SPOCK1: variants seen among roughly 807,000 people sequenced by gnomAD.
The protein encoded by SPOCK1 is SPARC (osteonectin), cwcv and kazal like domains proteoglycan 1, also known as testican-1.
SPOCK1 carries 23 observed loss-of-function variants against 55.3 expected under a neutral mutation model. The ratio of observed to expected loss-of-function variants is 0.42; its 90% CI spans 0.30 to 0.59. The LOEUF (loss-of-function observed/expected upper bound fraction) is 0.59, where lower values mean the gene tolerates loss of function less well. Among genes scored for constraint, SPOCK1 ranks in the 20% least tolerant of loss-of-function variants. SPOCK1 has a pLI of 0.22. For missense variants in SPOCK1, 499 were observed against 552.5 expected (o/e 0.90, Z 0.97); for synonymous variants, 226 against 221.0 (o/e 1.02, Z -0.20).
At chr5:137,109,518 G>A (rs185472167) in intron 5 of SPOCK1, among the ~76,000 whole-genome samples, 12 of 152,240 alleles carry the variant, frequency 7.9e-5, no homozygotes, top group East Asian at 7.7e-4. Flanking sequence ...CACTATAAAC[G>A]GTCTCTGCCT....
intron 2 of SPOCK1, among the ~76,000 whole-genome samples, chr5:137,280,943 C>T (rs753309982): frequency 1.2e-4 from 18 of 152,224 alleles, no homozygotes; most frequent in Admixed American, 2.6e-4. Context: ...ACCATCCTTA[C>T]ATAGTGCCCA....
intron 5 of SPOCK1, among the ~76,000 whole-genome samples, chr5:137,098,638 C>T (rs934447112): frequency 2.6e-5 from 4 of 152,214 alleles, no homozygotes; most frequent in Admixed American, 2.0e-4. Context: ...CAGGTACAAC[C>T]TCTCTTGTTC....
chr5:137,385,279 G>A (rs1008689725), intron 2 of SPOCK1, among the ~76,000 whole-genome samples: 9 of 152,100 alleles, frequency 5.9e-5, no homozygotes, highest in East Asian at 3.9e-4. Flanking sequence ...ATAAAGGTCC[G>A]TGGTCTCAGT....
chr5:137,205,836 T>C (rs1755511436), intron 3 of SPOCK1, among the ~76,000 whole-genome samples: 1 of 152,216 alleles, frequency 6.6e-6, no homozygotes, highest in South Asian at 2.1e-4. Flanking sequence ...CACTTACATG[T>C]ACTCGGCACA....
chr5:137,410,347 T>C (rs1752183133), intron 2 of SPOCK1, among the ~76,000 whole-genome samples: 1 of 152,198 alleles, frequency 6.6e-6, no homozygotes, highest in Non-Finnish European at 1.5e-5. Context: ...TAATTAATTT[T>C]AAGAACTGAT....
At chr5:137,256,924 A>G (rs1214217199) in intron 3 of SPOCK1, among the ~76,000 whole-genome samples, 1 of 152,244 alleles carries the variant, frequency 6.6e-6, no homozygotes, top group Non-Finnish European at 1.5e-5. Flanking sequence ...GCATTGAAGA[A>G]TTAAGTTTCA....
chr5:137,402,170 G>T (rs1485674017), intron 2 of SPOCK1, among the ~76,000 whole-genome samples: 2 of 152,118 alleles, frequency 1.3e-5, no homozygotes, highest in Non-Finnish European at 2.9e-5. Context: ...GTGTCTTGAA[G>T]AAAATAGGCC....
At chr5:137,063,540 G>C (rs540658686) in intron 6 of SPOCK1, among the ~76,000 whole-genome samples, 12 of 152,306 alleles carry the variant, frequency 7.9e-5, no homozygotes, top group Middle Eastern at 3.4e-3. Flanking sequence ...GATTGGAAGA[G>C]AGTGAGTTAG....
At position 137,208,772 on chromosome 5, in the gene SPOCK1, G is replaced by C. The variant is rs533569204; in HGVS notation, c.232+58238C>G. Among the ~76,000 whole-genome samples the C allele has an allele frequency of 2.0e-5, 3 of 152,018 alleles. No homozygotes were observed. The South Asian group carries it at 6.3e-4, about 32-fold the overall frequency. On this transcript the variant is annotated intron_variant, in intron 3 of 10. Coordinates refer to ENST00000394945, the MANE Select transcript of SPOCK1 (RefSeq NM_004598.4). Reference sequence around the variant, plus strand: ...CTATTGGATACTATACTCAGTACCTGGGTGATGGGATCAGGTGTACCCCAA... The same window carrying C: ...CTATTGGATACTATACTCAGTACCTCGGTGATGGGATCAGGTGTACCCCAA...
At chr5:137,397,641 G>A (rs1751881948) in intron 2 of SPOCK1, among the ~76,000 whole-genome samples, 2 of 152,204 alleles carry the variant, frequency 1.3e-5, no homozygotes, top group East Asian at 3.9e-4. Flanking sequence ...CAGTGGTTGA[G>A]CATGGGAGCT....
At chr5:137,063,437 T>C (rs879793326) in intron 6 of SPOCK1, among the ~76,000 whole-genome samples, 3 of 144,082 alleles carry the variant, frequency 2.1e-5, no homozygotes, top group Admixed American at 6.9e-5. Context: ...AACTTAAAGG[T>C]GAGACAAGAG....
At chr5:137,165,366 G>T (rs1006311020) in intron 3 of SPOCK1, among the ~76,000 whole-genome samples, 1 of 152,126 alleles carries the variant, frequency 6.6e-6, no homozygotes, top group African/African-American at 2.4e-5. Flanking sequence ...CTGAGCTTAA[G>T]GTGTCCCCCT....
chr5:137,252,286 C>T (rs1444087505), intron 3 of SPOCK1, among the ~76,000 whole-genome samples: 2 of 152,088 alleles, frequency 1.3e-5, no homozygotes, highest in Admixed American at 1.3e-4. Context: ...AAATTTATAC[C>T]AGCAGGATAA....
chr5:137,015,367 A>G (rs548757630), intron 6 of SPOCK1, among the ~76,000 whole-genome samples: 50 of 151,996 alleles, frequency 3.3e-4, no homozygotes, highest in African/African-American at 1.1e-3. Flanking sequence ...GGAGAATGGC[A>G]TGAACCTGGG....
chr5:137,347,502 C>T (rs2127159147), intron 2 of SPOCK1, among the ~76,000 whole-genome samples: 1 of 152,138 alleles, frequency 6.6e-6, no homozygotes, highest in African/African-American at 2.4e-5. Flanking sequence ...GGCAGATCAC[C>T]TGAGGTCAGG....
At chr5:137,152,761 T>C (rs143682954) in intron 3 of SPOCK1, among the ~76,000 whole-genome samples, 1 of 152,198 alleles carries the variant, frequency 6.6e-6, no homozygotes, top group Non-Finnish European at 1.5e-5. Flanking sequence ...CTGCCAATAT[T>C]CTCCTTATCA....
chr5:137,415,902 T>A (rs1210570689), intron 2 of SPOCK1, among the ~76,000 whole-genome samples: 1 of 152,118 alleles, frequency 6.6e-6, no homozygotes, highest in Non-Finnish European at 1.5e-5. Flanking sequence ...CCTTGTTAGT[T>A]CTTAGAAACC....
chr5:137,334,483 C>T (rs768702823), intron 2 of SPOCK1, among the ~76,000 whole-genome samples: 10 of 152,150 alleles, frequency 6.6e-5, no homozygotes, highest in Admixed American at 2.0e-4. Flanking sequence ...TGTTTCAATT[C>T]CAGGAGTGTG....
intron 2 of SPOCK1, among the ~76,000 whole-genome samples, chr5:137,294,001 G>A (rs2905550): frequency 0.52 from 78,662 of 151,972 alleles, 20,943 homozygotes; most frequent in African/African-American, 0.63. Flanking sequence ...GTGACAGAGC[G>A]ACACTCCATC....
Sources: gnomAD v4.1 joint callset for allele counts (sites outside exome capture counted in the v4.1 genomes callset) on GRCh38, gnomAD v4.1.1 for gene constraint, MANE v1.5 for transcripts, NCBI Gene and HGNC (gene_info 2026-07-23, HGNC 2026-07-21) for gene names.